MAP3K20: variants seen among roughly 807,000 people sequenced by gnomAD.
MAP3K20 encodes HCCS-4.
Under a neutral mutation model 85.7 loss-of-function variants are expected in MAP3K20, and 40 were observed. That is an observed-to-expected ratio of 0.47 (90% CI 0.36 to 0.61). The LOEUF (loss-of-function observed/expected upper bound fraction) is 0.61. MAP3K20 is among the 20% of genes least tolerant of loss of function. The pLI is 0.00. For missense variants in MAP3K20, 817 were observed against 961.7 expected (o/e 0.85, Z 1.99); for synonymous variants, 325 against 327.7 (o/e 0.99, Z 0.09).
intron 2 of MAP3K20, among the ~76,000 whole-genome samples, chr2:173,140,989 A>G (rs1375391526): frequency 6.6e-6 from 1 of 152,148 alleles, no homozygotes; most frequent in Non-Finnish European, 1.5e-5. Flanking sequence ...ATCTCAAAGT[A>G]AAAACTTAAA....
intron 3 of MAP3K20, among the ~76,000 whole-genome samples, chr2:173,178,514 C>T (rs1349497898): frequency 6.6e-6 from 1 of 152,054 alleles, no homozygotes; most frequent in Non-Finnish European, 1.5e-5. Context: ...CATGGTGGCA[C>T]ACCCCTATAG....
intron 7 of MAP3K20, among the ~76,000 whole-genome samples, chr2:173,193,644 T>C (rs770835822): frequency 9.9e-5 from 15 of 152,176 alleles, no homozygotes; most frequent in Non-Finnish European, 1.9e-4. Context: ...TCCTGTATCA[T>C]TTTAAAATCT....
At chr2:173,097,251 G>A (rs1687489585) in intron 2 of MAP3K20, among the ~76,000 whole-genome samples, 3 of 152,164 alleles carry the variant, frequency 2.0e-5, no homozygotes, top group African/African-American at 7.2e-5. Context: ...AGCTACTCGG[G>A]AGGCTGAGGC....
intron 10 of MAP3K20, among the ~76,000 whole-genome samples, chr2:173,215,220 G>A (rs989308921): frequency 6.6e-6 from 1 of 152,218 alleles, no homozygotes; most frequent in Non-Finnish European, 1.5e-5. Context: ...TGGGTCGGCA[G>A]AAGCGCTGTG....
intron 5 of MAP3K20, among the ~76,000 whole-genome samples, chr2:173,189,714 TAC>T (rs1224795342): frequency 6.6e-6 from 1 of 152,220 alleles, no homozygotes; most frequent in Non-Finnish European, 1.5e-5. Context: ...AAATAGTAGT[TAC>T]AGTTTAAAGC....
intron 3 of MAP3K20, among the ~76,000 whole-genome samples, chr2:173,171,171 C>T (rs1361959878): frequency 1.3e-5 from 2 of 152,102 alleles, no homozygotes; most frequent in Admixed American, 1.3e-4. Context: ...TGAGGGGGAA[C>T]CATACCTCAC....
At chr2:173,176,323 C>T (rs6745229) in intron 3 of MAP3K20, among the ~76,000 whole-genome samples, 4,563 of 151,938 alleles carry the variant, frequency 0.03, 233 homozygotes, top group African/African-American at 0.1. Context: ...AAAATAAAAA[C>T]ATAACATTGT....
intron 2 of MAP3K20, among the ~76,000 whole-genome samples, chr2:173,162,942 T>G (rs1329739027): frequency 6.6e-6 from 1 of 152,118 alleles, no homozygotes; most frequent in African/African-American, 2.4e-5. Context: ...AAGATGTAAG[T>G]GGAACCTGCC....
chr2:173,181,378 G>C (rs1437418437), intron 3 of MAP3K20, among the ~76,000 whole-genome samples: 1 of 144,666 alleles, frequency 6.9e-6, no homozygotes, highest in South Asian at 2.2e-4. Context: ...AAAAAAAAAA[G>C]ACAATATCAA....
intron 16 of MAP3K20, among the ~76,000 whole-genome samples, chr2:173,244,411 G>A (rs1480480703): frequency 6.6e-6 from 1 of 152,154 alleles, no homozygotes; most frequent in Non-Finnish European, 1.5e-5. Context: ...CATTTCTAAA[G>A]AGCTCAGGTA....
At chr2:173,118,104 CAA>C (rs1283016009) in intron 2 of MAP3K20, among the ~76,000 whole-genome samples, 1 of 152,152 alleles carries the variant, frequency 6.6e-6, no homozygotes, top group East Asian at 1.9e-4. Flanking sequence ...CATCATTTTA[CAA>C]AAAGAGAAAT....
intron 10 of MAP3K20, among the ~76,000 whole-genome samples, chr2:173,213,241 A>T (rs1683966436): frequency 6.6e-6 from 1 of 152,176 alleles, no homozygotes; most frequent in Non-Finnish European, 1.5e-5. Flanking sequence ...AAGTGAGGGA[A>T]ATAAAATTGA....
chr2:173,087,672 G>A (rs1249378241), intron 1 of MAP3K20, among the ~76,000 whole-genome samples: 2 of 152,162 alleles, frequency 1.3e-5, no homozygotes, highest in Non-Finnish European at 2.9e-5. Flanking sequence ...ACATCAGACT[G>A]CTCAGTAGCC....
chr2:173,157,450 A>T (rs1200963348), intron 2 of MAP3K20, among the ~76,000 whole-genome samples: 1 of 152,310 alleles, frequency 6.6e-6, no homozygotes, highest in South Asian at 2.1e-4. Context: ...GAAGAATCCA[A>T]GTGTTCAAGA....
intron 2 of MAP3K20, among the ~76,000 whole-genome samples, chr2:173,116,984 AATGGGGATTTCATTG>A (rs1688144053): frequency 6.6e-6 from 1 of 152,236 alleles, no homozygotes; most frequent in Admixed American, 6.5e-5. Context: ...TGGTGGCAGC[AATGGGGATTTCATTG>A]ATGGGGACTT....
chr2:173,099,775 T>A (rs1352313088), intron 2 of MAP3K20, among the ~76,000 whole-genome samples: 1 of 152,242 alleles, frequency 6.6e-6, no homozygotes, highest in Non-Finnish European at 1.5e-5. Context: ...CCTGTGACTC[T>A]GCATTCCAGT....
chr2:173,126,704 A>G (rs1688454777), intron 2 of MAP3K20, among the ~76,000 whole-genome samples: 2 of 152,196 alleles, frequency 1.3e-5, no homozygotes, highest in African/African-American at 4.8e-5. Flanking sequence ...TACAAAGAGA[A>G]TATGCATTTC....
At chr2:173,225,449 C>A in intron 11 of MAP3K20, 1 of 383,328 alleles carries the variant, frequency 2.6e-6, no homozygotes, top group Non-Finnish European at 3.6e-6. Context: ...CAAAAATTGG[C>A]TGGGTGTGGT....
intron 2 of MAP3K20, among the ~76,000 whole-genome samples, chr2:173,159,090 G>A (rs1025730457): frequency 6.6e-6 from 1 of 152,176 alleles, no homozygotes; most frequent in Non-Finnish European, 1.5e-5. Context: ...TCGCTTTAGG[G>A]CCATCCATTT....
Sources: allele counts gnomAD v4.1 joint callset (sites outside exome capture counted in the v4.1 genomes callset), GRCh38; gene constraint gnomAD v4.1.1; transcripts MANE v1.5; gene names NCBI Gene and HGNC (gene_info 2026-07-23, HGNC 2026-07-21).